Variants in ANXA6 observed in about 807,000 individuals in gnomAD.
The protein encoded by ANXA6 is 67 kDa calelectrin.
A neutral mutation model predicts 95.4 loss-of-function variants in ANXA6; 71 were observed. The ratio of observed to expected loss-of-function variants is 0.74; its 90% CI spans 0.61 to 0.91. The LOEUF is 0.91. Among genes scored for constraint, ANXA6 ranks in the 40% least tolerant of loss-of-function variants. The probability of loss-of-function intolerance (pLI) is 0.00; values close to 1 mark genes in which losing one functional copy is unlikely to be tolerated. For synonymous variants in ANXA6, 289 were observed against 315.9 expected, an observed-to-expected ratio of 0.91 and a Z score of 0.90; for missense variants, 830 against 876.4, an observed-to-expected ratio of 0.95 and a Z score of 0.67.
At chr5:151,104,838 G>T (rs1007432470) in intron 24 of ANXA6, among the ~76,000 whole-genome samples, 2 of 152,210 alleles carry the variant, frequency 1.3e-5, no homozygotes, top group African/African-American at 4.8e-5. Context: ...AGAGGGCAGA[G>T]ACTGTGTCCT....
At chr5:151,127,975 G>A (rs1018935368) in intron 13 of ANXA6, among the ~76,000 whole-genome samples, 8 of 152,072 alleles carry the variant, frequency 5.3e-5, no homozygotes, top group African/African-American at 9.7e-5. Context: ...AGGAGACCAC[G>A]CTCACGTTCA....
At chr5:151,119,225 A>G (rs1381986741) in intron 18 of ANXA6, 75 bp downstream of exon 18, 36 of 1,233,946 alleles carry the variant, frequency 2.9e-5, no homozygotes, top group Non-Finnish European at 4.3e-5. Context: ...TCCTGGGCAG[A>G]GCTGTGGGCT....
chr5:151,120,258 C>A (rs879316039), intron 17 of ANXA6, among the ~76,000 whole-genome samples: 6 of 152,158 alleles, frequency 3.9e-5, no homozygotes, highest in Admixed American at 2.0e-4. Context: ...CAAAGATCTG[C>A]ACACAGGGAA....
rs1284859286 is a variant in ANXA6 at position 151,126,481 on chromosome 5, CTGGAA to C, written c.978-6_978-2del. 6.2e-7 allele frequency: 1 copy of C among 1,607,384 alleles called. No homozygotes were observed. Among genetic ancestry groups the C allele is most frequent in the African/African-American group, 1.3e-5 (1 of 74,768 alleles). ...CTCCGGGAAGAACTGGCCAGCAGCA[CTGGAA>C]TGGAGGGGTTTAGGGAGAGGACAGG... On this transcript the variant is annotated splice_acceptor_variant and splice_polypyrimidine_tract_variant and intron_variant, in intron 13 of 25. Transcript: ENST00000354546. LOFTEE classifies it high-confidence loss of function.
intron 8 of ANXA6, 179 bp from the exon 9 acceptor site, chr5:151,133,366 G>T: frequency 1.8e-6 from 1 of 568,078 alleles, no homozygotes; most frequent in Non-Finnish European, 3.2e-6. Flanking sequence ...TCTGAGAACT[G>T]CCATTGTTAG....
intron 13 of ANXA6, 73 bp downstream of exon 13, chr5:151,128,108 A>AT (rs1358060785): frequency 7.7e-7 from 1 of 1,306,388 alleles, no homozygotes; most frequent in Non-Finnish European, 1.1e-6. Context: ...ACCCATCAGG[A>AT]TGCGAGCCAG....
At position 151,101,280 on chromosome 5, in the gene ANXA6, T is replaced by C. The variant is rs1312468013; in HGVS notation, c.*168A>G. 1 of 674,058 alleles carries C rather than the reference T, an allele frequency of 1.5e-6. No individual in the cohort carries two copies. The highest frequency in any genetic ancestry group is 1.8e-5 in the African/African-American group (1 of 55,570). 41.8% of individuals were successfully genotyped at this position (674,058 alleles called of 1,614,324 possible). On this transcript the variant is annotated 3_prime_UTR_variant, in exon 26 of 26. Coordinates refer to ENST00000354546, the MANE Select transcript of ANXA6 (RefSeq NM_001155.5). ...GCCGTGCTGGGCCCTCGATGGCCCG[T>C]GGGAGTGGGAGCGTTTCCTAAGCTC...
intron 14 of ANXA6, among the ~76,000 whole-genome samples, 179 bp from the exon 15 acceptor site, chr5:151,124,546 AG>A (rs1765262321): frequency 1.2e-4 from 6 of 48,772 alleles, no homozygotes; most frequent in Non-Finnish European, 2.3e-4. Flanking sequence ...TGAGAGAGAG[AG>A]AGAGAGAGAG....
chr5:151,139,332 C>A, intron 4 of ANXA6, 21 bp downstream of exon 4: 1 of 880,390 alleles, frequency 1.1e-6, no homozygotes. Flanking sequence ...ACCCCATGGG[C>A]CCTCCGGTTG....
intron 25 of ANXA6, among the ~76,000 whole-genome samples, chr5:151,103,351 CTCT>C (rs1764601018): frequency 6.6e-6 from 1 of 152,142 alleles, no homozygotes; most frequent in Non-Finnish European, 1.5e-5. Flanking sequence ...AAAAAATGGG[CTCT>C]TGTTTTATTT....
At chr5:151,126,360 G>A (rs754593870) in intron 14 of ANXA6, 42 bp downstream of exon 14, 2 of 1,541,244 alleles carry the variant, frequency 1.3e-6, no homozygotes, top group Non-Finnish European at 1.8e-6. Flanking sequence ...AAGCAGAGAA[G>A]CTGTGGTCAA....
At position 151,129,697 on chromosome 5, in the gene ANXA6, TTTTGTTTG is replaced by T. The variant is rs35609303; in HGVS notation, c.796-176_796-169del. ...AGCTCTCTCTATGCTCCTCTTACTGTTTTGTTTGTTTGTTTGTTTGTTTGTTTGTTTCT... is the reference window on the plus strand; with the variant it reads ...AGCTCTCTCTATGCTCCTCTTACTGTTTTGTTTGTTTGTTTGTTTGTTTCT... On this transcript the variant is annotated intron_variant, in intron 11 of 25. Transcript: ENST00000354546. 8.7e-3 allele frequency among the ~76,000 whole-genome samples: 1,304 copies of T among 149,292 alleles called. 29 individuals carry two copies. The highest frequency in any genetic ancestry group is 0.029 in the African/African-American group (1,203 of 40,974).
At chr5:151,151,464 C>T (rs1766104014) in intron 1 of ANXA6, 1 of 152,174 alleles carries the variant, frequency 6.6e-6, no homozygotes, top group African/African-American at 2.4e-5. Context: ...TAGCAGCCCT[C>T]GATCATAACA....
At chr5:151,140,341 A>T (rs1765795334) in intron 2 of ANXA6, 98 bp from the exon 3 acceptor site, 1 of 1,038,340 alleles carries the variant, frequency 9.6e-7, no homozygotes, top group African/African-American at 1.6e-5. Context: ...GTCCAGGCTG[A>T]GCTGCTTTCC....
At chr5:151,138,975 C>T in intron 4 of ANXA6, 184 bp from the exon 5 acceptor site, 2 of 612,420 alleles carry the variant, frequency 3.3e-6, no homozygotes, top group Middle Eastern at 4.3e-4. Context: ...CAACAGAGGT[C>T]TTACTCCATG....
intron 4 of ANXA6, 92 bp from the exon 5 acceptor site, chr5:151,138,883 A>T (rs962472444): frequency 1.0e-5 from 9 of 872,642 alleles, no homozygotes; most frequent in African/African-American, 1.7e-5. Context: ...TTACTCTGGC[A>T]GGTGCTGGGC....
intron 3 of ANXA6, among the ~76,000 whole-genome samples, 200 bp from the exon 4 acceptor site, chr5:151,139,647 A>T (rs1298359277): frequency 1.3e-5 from 2 of 152,148 alleles, no homozygotes; most frequent in African/African-American, 2.4e-5. Context: ...AGCACACACA[A>T]TATCTGTGCT....
intron 7 of ANXA6, among the ~76,000 whole-genome samples, chr5:151,135,988 C>G (rs1765648233): frequency 6.6e-6 from 1 of 152,150 alleles, no homozygotes; most frequent in Admixed American, 6.5e-5. Flanking sequence ...TCCAGAAATG[C>G]TGCATGTGCA....
At chr5:151,114,498 C>T (rs1442075118) in intron 20 of ANXA6, among the ~76,000 whole-genome samples, 1 of 151,394 alleles carries the variant, frequency 6.6e-6, no homozygotes, top group African/African-American at 2.4e-5. Flanking sequence ...CTTGTAATCC[C>T]AGCTACTTGG....
Sources: allele counts gnomAD v4.1 joint callset (sites outside exome capture counted in the v4.1 genomes callset), GRCh38; gene constraint gnomAD v4.1.1; transcripts MANE v1.5; gene names NCBI Gene and HGNC (gene_info 2026-07-23, HGNC 2026-07-21).